Variants in WRAP73 observed in about 807,000 individuals in gnomAD.
The protein encoded by WRAP73 is WD repeat-containing protein WRAP73.
A neutral mutation model predicts 59.6 loss-of-function variants in WRAP73; 55 were observed. The observed-to-expected ratio is 0.92, with a 90% CI of 0.74 to 1.15. WRAP73 has a LOEUF of 1.15. WRAP73 is among the 50% of genes most tolerant of loss of function. The probability of loss-of-function intolerance (pLI) is 0.00; values close to 1 mark genes in which losing one functional copy is unlikely to be tolerated. For missense variants in WRAP73, 592 were observed against 608.1 expected, an observed-to-expected ratio of 0.97 and a Z score of 0.28; for synonymous variants, 265 against 258.2, an observed-to-expected ratio of 1.03 and a Z score of -0.25.
chr1:3,638,694 C>T (rs1180465214), intron 4 of WRAP73, 56 bp downstream of exon 4: 1 of 1,605,406 alleles, frequency 6.2e-7, no homozygotes, highest in African/African-American at 1.3e-5. Flanking sequence ...CTTCCCGTGA[C>T]AAAAAAGTCA....
intron 10 of WRAP73, 161 bp from the exon 11 acceptor site, chr1:3,631,818 G>A: frequency 7.0e-7 from 1 of 1,423,784 alleles, no homozygotes; most frequent in East Asian, 2.6e-5. Context: ...GCCCTGTAGG[G>A]CTCCTGGCCA....
Position 3,631,113 on chromosome 1 carries a change from G to C in WRAP73, c.1245C>G (p.Asp415Glu). ...CMSVQVPGEG[D>E]FAVLSLCWHL... ...GCCAGCACAGAGAGAGCACTGCAAA[G>C]TCGCCTAGAGAGAGACAGGTGGCCA... The change falls in exon 12 of 12, where the codon GAC becomes GAG. Residue 415 changes from aspartate to glutamate, a missense_variant. Transcript: ENST00000270708. 6.2e-7 allele frequency: 1 copy of C among 1,613,286 alleles called. No homozygotes were observed. Among genetic ancestry groups the C allele is most frequent in the Non-Finnish European group, 8.5e-7 (1 of 1,179,986 alleles).
chr1:3,636,813 G>A (rs1644592926), intron 5 of WRAP73, 182 bp downstream of exon 5: 3 of 704,560 alleles, frequency 4.3e-6, no homozygotes, highest in South Asian at 3.0e-5. Flanking sequence ...TTTTCACCAA[G>A]TCTCCTGAAC....
rs1557457749 is a variant in WRAP73, at chr1:3,637,014, C to T, written c.497G>A (p.Ser166Asn). The T allele has an allele frequency of 1.2e-6, 2 of 1,613,820 alleles. No individual in the cohort carries two copies. Among genetic ancestry groups the T allele is most frequent in the Non-Finnish European group, 1.7e-6 (2 of 1,180,026 alleles). Residue 166 changes from serine (S) to asparagine (N), a missense_variant, in exon 5 of 12, where the codon AGT becomes AAT. Ser to Asn is a conservative substitution (Grantham distance 46). Coordinates refer to ENST00000270708, the MANE Select transcript of WRAP73 (RefSeq NM_017818.4). Reference sequence around the variant, plus strand: ...CCTTACCCGCAGGAGCTGCCAATCACTGCAGACGAAGATGCTCACGTAATC... The same window carrying T: ...CCTTACCCGCAGGAGCTGCCAATCATTGCAGACGAAGATGCTCACGTAATC... ...CKDYVSIFVC[S>N]DWQLLRHFDT...
Position 3,631,633 on chromosome 1 carries a change from A to C in WRAP73, c.1073T>G (p.Val358Gly), listed in dbSNP as rs770790584. Residue 358 changes from valine to glycine, a missense_variant, in exon 11 of 12, where the codon GTC (valine) becomes GGC (glycine). Physicochemically the swap from Val to Gly is moderately radical, Grantham distance 109. Transcript: ENST00000270708. ...RNDNIPNAVWVWDIQKLRLFA... is the reference protein window; with the variant it reads ...RNDNIPNAVWGWDIQKLRLFA... ...CAGCCTCAGCTTCTGAATGTCCCAG[A>C]CCCAGACGGCATTGGGAATGTTGTC... 2 of 1,598,586 alleles carry C rather than the reference A, an allele frequency of 1.3e-6. No individual in the cohort carries two copies. The highest frequency in any genetic ancestry group is 2.2e-5 in the South Asian group (2 of 90,894).
chr1:3,633,228 T>A, intron 9 of WRAP73, 170 bp downstream of exon 9: 1 of 687,774 alleles, frequency 1.5e-6, no homozygotes, highest in East Asian at 2.6e-5. Context: ...ACTGCGCAAT[T>A]CAGACCCTAG....
chr1:3,649,297 C>T (rs1382529823), intron 1 of WRAP73, among the ~76,000 whole-genome samples: 5 of 152,238 alleles, frequency 3.3e-5, no homozygotes, highest in Admixed American at 2.0e-4. Context: ...AGGACAACTA[C>T]TTCCTTACCT....
At chr1:3,648,779 G>C (rs1644713607) in intron 1 of WRAP73, among the ~76,000 whole-genome samples, 1 of 152,126 alleles carries the variant, frequency 6.6e-6, no homozygotes, top group South Asian at 2.1e-4. Context: ...TTCATAAATG[G>C]TAAAAACAAA....
intron 5 of WRAP73, chr1:3,636,291 C>T (rs1383115562): frequency 1.0e-5 from 5 of 478,990 alleles, no homozygotes; most frequent in Non-Finnish European, 1.9e-5. Context: ...GCACACTCTC[C>T]CCCTCACCTT....
rs1053236561 is a variant in WRAP73 at position 3,646,248 on chromosome 1, G to A, written c.339+418C>T. Among the ~76,000 whole-genome samples, 15 of 152,126 alleles carry A rather than the reference G, an allele frequency of 9.9e-5. No homozygotes were observed. The highest frequency in any genetic ancestry group is 1.8e-4 in the Non-Finnish European group (12 of 68,030). ...GCGGTGGGGCTCGCAATCTGGATAC[G>A]CCAAAGAGAAGCCACAAAGTGCTTC... On this transcript the variant is annotated intron_variant, in intron 3 of 11. Transcript: ENST00000270708. The surrounding 1 kb of genome is among the most constrained non-coding windows in gnomAD (Gnocchi z 5.1).
chr1:3,636,294 C>T (rs1298277137), intron 5 of WRAP73: 2 of 477,336 alleles, frequency 4.2e-6, no homozygotes, highest in African/African-American at 2.0e-5. Flanking sequence ...CACTCTCCCC[C>T]TCACCTTTCC....
intron 3 of WRAP73, among the ~76,000 whole-genome samples, chr1:3,642,735 CT>C (rs1364187880): frequency 3.3e-4 from 32 of 96,604 alleles, no homozygotes; most frequent in Non-Finnish European, 4.3e-5. Flanking sequence ...GAAACTCCAT[CT>C]CAAAAAAAAA....
Position 3,635,028 on chromosome 1 carries a change from C to A in WRAP73, c.785G>T (p.Gly262Val). ...GGGATCATTAATGGCTGCAGGATGC[C>A]CAAACTCCGTGATCATTTTCCAAGT... ...HVTWKMITEFGHPAAINDPKI... is the reference protein window; with the variant it reads ...HVTWKMITEFVHPAAINDPKI... Residue 262 changes from glycine (G) to valine (V), a missense_variant, in exon 8 of 12, where the codon GGG (glycine) becomes GTG (valine). By Grantham distance (109) the Gly-to-Val change is moderately radical. Transcript: ENST00000270708. 6.2e-7 allele frequency: 1 copy of A among 1,614,222 alleles called. No individual in the cohort carries two copies. The highest frequency in any genetic ancestry group is 1.3e-5 in the African/African-American group (1 of 75,066).
Position 3,637,104 on chromosome 1 carries a change from G to T in WRAP73, c.413-6C>A, listed in dbSNP as rs1164971193. 6.2e-7 allele frequency: 1 copy of T among 1,603,086 alleles called. No homozygotes were observed. Among genetic ancestry groups the T allele is most frequent in the African/African-American group, 1.3e-5 (1 of 74,786 alleles). ...GTCCCTGGTGAAGGTGATTCCTGTG[G>T]GAAGAGGCAAATGCACTGAAATCAA... On this transcript the variant is annotated splice_region_variant and splice_polypyrimidine_tract_variant and intron_variant, in intron 4 of 11. Coordinates refer to ENST00000270708, the MANE Select transcript of WRAP73 (RefSeq NM_017818.4).
intron 5 of WRAP73, chr1:3,636,493 C>T (rs988998487): frequency 9.2e-6 from 3 of 325,698 alleles, no homozygotes; most frequent in Admixed American, 4.6e-5. Flanking sequence ...AGACCCAGCT[C>T]AGACAAGTCC....
intron 8 of WRAP73, chr1:3,633,805 C>T: frequency 3.0e-6 from 1 of 328,040 alleles, no homozygotes; most frequent in Non-Finnish European, 5.6e-6. Context: ...GGAGTGGGCT[C>T]AGCCTTCCCT....
In WRAP73 at chr1:3,631,090, C is replaced by T. The variant is rs1393051435; in HGVS notation, c.1268G>A (p.Trp423Ter). The change falls in exon 12 of 12, where the codon TGG becomes TAG. Residue 423 changes from tryptophan to a stop codon, truncating the protein, a stop_gained. Transcript: ENST00000270708. LOFTEE classifies it low-confidence loss of function (END_TRUNC). ...GGCCATCGAGTCTCCGCTTAAATGCCAGCACAGAGAGAGCACTGCAAAGTC... is the reference window on the plus strand; with the variant it reads ...GGCCATCGAGTCTCCGCTTAAATGCTAGCACAGAGAGAGCACTGCAAAGTC... The part of the protein sequence containing the change: ...EGDFAVLSLC[W>*]HLSGDSMALL... 6.2e-7 allele frequency: 1 copy of T among 1,613,370 alleles called. No individual in the cohort carries two copies. The highest frequency in any genetic ancestry group is 1.1e-5 in the South Asian group (1 of 91,084).
intron 3 of WRAP73, among the ~76,000 whole-genome samples, chr1:3,640,978 CCTT>C (rs929537758): frequency 6.6e-6 from 1 of 152,224 alleles, no homozygotes; most frequent in African/African-American, 2.4e-5. Context: ...CTGATTTTTA[CCTT>C]CATCTCACAA....
In WRAP73 at chr1:3,650,089, C is replaced by A; in HGVS notation, c.-90G>T. ...AGGCTGCAACAGCCGACGCCGGCCT[C>A]CGAGGCCGGAAGTCAGAAGGCGGAA... is the stretch of plus-strand genomic sequence containing the variant. On this transcript the variant is annotated 5_prime_UTR_variant, in exon 1 of 12. Transcript: ENST00000270708. The A allele has an allele frequency of 2.9e-6, 4 of 1,359,804 alleles. No individual in the cohort carries two copies. The highest frequency in any genetic ancestry group is 3.9e-6 in the Non-Finnish European group (4 of 1,014,662). The allele number at this position is 1,359,804 out of a possible 1,614,324, so 84.2% of individuals were successfully genotyped here.
Sources: gnomAD v4.1 joint callset for allele counts (sites outside exome capture counted in the v4.1 genomes callset) on GRCh38, gnomAD v4.1.1 for gene constraint, Gnocchi (gnomAD v3.1) non-coding constraint, MANE v1.5 for transcripts, NCBI Gene and HGNC (gene_info 2026-07-23, HGNC 2026-07-21) for gene names.